Variants in WDR7 observed in about 807,000 individuals in gnomAD.
WDR7 encodes WD repeat domain 7.
WDR7 carries 46 observed loss-of-function variants against 169.4 expected under a neutral mutation model. The observed-to-expected ratio is 0.27, with a 90% confidence interval of 0.21 to 0.35. The LOEUF (loss-of-function observed/expected upper bound fraction) is 0.35, where lower values mean the gene tolerates loss of function less well. WDR7 is among the 10% of genes least tolerant of loss of function. WDR7 has a pLI of 1.00. For missense variants in WDR7, 1,534 were observed against 1,859.3 expected (o/e 0.83, Z 3.22); for synonymous variants, 612 against 666.8 (o/e 0.92, Z 1.27).
chr18:56,972,405 C>CTT (rs761833121), intron 26 of WDR7, among the ~76,000 whole-genome samples: 38 of 152,244 alleles, frequency 2.5e-4, no homozygotes, highest in Non-Finnish European at 4.0e-4. Flanking sequence ...GTCTATAACG[C>CTT]TTATACATCA....
chr18:56,710,010 T>TG (rs2144705933), intron 12 of WDR7, among the ~76,000 whole-genome samples: 1 of 146,286 alleles, frequency 6.8e-6, no homozygotes, highest in South Asian at 2.1e-4. Context: ...ATAGTTGTTT[T>TG]TTTTTTTTTT....
intron 20 of WDR7, among the ~76,000 whole-genome samples, chr18:56,844,299 C>T (rs1438714531): frequency 2.0e-5 from 3 of 151,948 alleles, no homozygotes; most frequent in African/African-American, 7.3e-5. Flanking sequence ...TAATTATTGA[C>T]CATTACTTTA....
chr18:56,684,880 T>C (rs1044408322), intron 5 of WDR7, among the ~76,000 whole-genome samples: 15 of 152,194 alleles, frequency 9.9e-5, no homozygotes, highest in Non-Finnish European at 2.1e-4. Context: ...AGCATAACAG[T>C]GAGAATGAGA....
In WDR7 at chr18:56,755,669, G is replaced by T. The variant is rs79695593; in HGVS notation, c.1990-914G>T. ...AGGATTGAAACTCCTTTAGGAGACT[G>T]GTCTGGCTGATGATGGAAATTAGAG... On this transcript the variant is annotated intron_variant, in intron 14 of 27. Coordinates refer to ENST00000254442, the MANE Select transcript of WDR7 (RefSeq NM_015285.3). 3.3e-5 allele frequency among the ~76,000 whole-genome samples: 5 copies of T among 152,288 alleles called. No individual in the cohort carries two copies. The South Asian group carries it at 1.0e-3, about 32-fold the overall frequency.
intron 21 of WDR7, among the ~76,000 whole-genome samples, chr18:56,890,664 A>G (rs904736001): frequency 2.0e-5 from 3 of 152,164 alleles, no homozygotes; most frequent in African/African-American, 7.2e-5. Context: ...TAGAGATTGC[A>G]TTTCTGTTTG....
intron 9 of WDR7, among the ~76,000 whole-genome samples, chr18:56,694,037 GT>G (rs769271777): frequency 9.7e-4 from 141 of 145,552 alleles, no homozygotes; most frequent in Middle Eastern, 3.5e-3. Context: ...GCTGGGCTAA[GT>G]TTTTTTTTTT....
chr18:56,816,949 T>C (rs895473483), intron 20 of WDR7, among the ~76,000 whole-genome samples: 1 of 152,170 alleles, frequency 6.6e-6, no homozygotes, highest in Non-Finnish European at 1.5e-5. Context: ...TTACTACTAA[T>C]CAATATTTTA....
intron 13 of WDR7, among the ~76,000 whole-genome samples, chr18:56,729,709 C>G (rs574238907): frequency 2.0e-4 from 31 of 152,188 alleles, no homozygotes; most frequent in African/African-American, 7.0e-4. Context: ...CAACCACACA[C>G]ATATATGTTT....
chr18:56,822,551 T>G (rs1367242970), intron 20 of WDR7, among the ~76,000 whole-genome samples: 2 of 152,226 alleles, frequency 1.3e-5, no homozygotes, highest in Admixed American at 6.5e-5. Context: ...AAACCAGACG[T>G]TCTTTCCTAG....
intron 12 of WDR7, among the ~76,000 whole-genome samples, chr18:56,708,032 T>A (rs1166701563): frequency 7.0e-6 from 1 of 142,308 alleles, no homozygotes; most frequent in Non-Finnish European, 1.5e-5. Flanking sequence ...GTTTATTCCT[T>A]TTTTTTTTTT....
chr18:56,746,449 G>T (rs78488362), intron 14 of WDR7, among the ~76,000 whole-genome samples: 5,283 of 152,198 alleles, frequency 0.035, 319 homozygotes, highest in African/African-American at 0.12. Context: ...ATTTTAGGTT[G>T]TTACAGTGTA....
At chr18:56,765,347 A>G (rs1327953875) in intron 16 of WDR7, among the ~76,000 whole-genome samples, 1 of 151,994 alleles carries the variant, frequency 6.6e-6, no homozygotes, top group Non-Finnish European at 1.5e-5. Flanking sequence ...TTAGACTAAA[A>G]AGATTTTTTT....
chr18:56,948,410 A>G (rs1220393813), intron 25 of WDR7, among the ~76,000 whole-genome samples: 2 of 151,844 alleles, frequency 1.3e-5, no homozygotes, highest in Non-Finnish European at 1.5e-5. Context: ...AAATTCACAG[A>G]TTCAAAAAAA....
At chr18:56,896,325 A>C (rs1217126108) in intron 21 of WDR7, among the ~76,000 whole-genome samples, 1 of 151,852 alleles carries the variant, frequency 6.6e-6, no homozygotes, top group Non-Finnish European at 1.5e-5. Context: ...TTGTTATTGA[A>C]CTTGGCATGC....
At chr18:56,805,547 TAC>T (rs1396942420) in intron 19 of WDR7, among the ~76,000 whole-genome samples, 1 of 152,210 alleles carries the variant, frequency 6.6e-6, no homozygotes, top group Non-Finnish European at 1.5e-5. Flanking sequence ...TGATTGACAC[TAC>T]ATTAAACTCT....
intron 2 of WDR7, among the ~76,000 whole-genome samples, chr18:56,676,949 T>A (rs1466444980): frequency 2.6e-5 from 4 of 152,216 alleles, no homozygotes; most frequent in Non-Finnish European, 5.9e-5. Context: ...TTATATCTTA[T>A]TGTACCGTCT....
At chr18:56,657,993 G>A (rs1335766018) in intron 1 of WDR7, among the ~76,000 whole-genome samples, 3 of 151,966 alleles carry the variant, frequency 2.0e-5, no homozygotes, top group African/African-American at 7.3e-5. Flanking sequence ...TTGGAACAAC[G>A]AATGTTAGGG....
intron 12 of WDR7, among the ~76,000 whole-genome samples, chr18:56,700,252 CTTTTTTT>C (rs1226348026): frequency 3.0e-5 from 2 of 67,238 alleles, no homozygotes; most frequent in Non-Finnish European, 5.1e-5. Context: ...TTTTCATTTT[CTTTTTTT>C]TTTTTTTTTT....
At chr18:56,690,140 A>AT (rs1261710370) in intron 7 of WDR7, among the ~76,000 whole-genome samples, 1 of 152,238 alleles carries the variant, frequency 6.6e-6, no homozygotes. Flanking sequence ...GCTAGGAATT[A>AT]TAAGAGCAGA....
Sources: gnomAD v4.1 joint callset for allele counts (sites outside exome capture counted in the v4.1 genomes callset) on GRCh38, gnomAD v4.1.1 for gene constraint, MANE v1.5 for transcripts, NCBI Gene and HGNC (gene_info 2026-07-23, HGNC 2026-07-21) for gene names.